Variants in PCDHGA6 observed in about 807,000 individuals in gnomAD.
The protein encoded by PCDHGA6 is protocadherin gamma subfamily A, 6.
A neutral mutation model predicts 60.6 loss-of-function variants in PCDHGA6; 41 were observed. The observed-to-expected ratio is 0.68, with a 90% confidence interval of 0.53 to 0.88. The LOEUF (loss-of-function observed/expected upper bound fraction) is 0.88, where lower values mean the gene tolerates loss of function less well. Among genes scored for constraint, PCDHGA6 ranks in the 40% least tolerant of loss-of-function variants. The probability of loss-of-function intolerance (pLI) is 0.00; values close to 1 mark genes in which losing one functional copy is unlikely to be tolerated. For missense variants in PCDHGA6, 1,312 were observed against 1,203.0 expected (o/e 1.09, Z -1.34); for synonymous variants, 594 against 524.4 (o/e 1.13, Z -1.81).
chr5:141,405,359 G>A, intron 1 of PCDHGA6: 2 of 1,614,018 alleles, frequency 1.2e-6, no homozygotes, highest in Non-Finnish European at 1.7e-6. Context: ...TCCTATAGAA[G>A]ACACCCCTTT....
intron 1 of PCDHGA6, chr5:141,385,308 C>G: frequency 1.9e-6 from 3 of 1,612,216 alleles, no homozygotes; most frequent in Non-Finnish European, 2.5e-6. Context: ...GTAAAGAAAA[C>G]CTGCCAAGTA....
intron 1 of PCDHGA6, among the ~76,000 whole-genome samples, chr5:141,469,207 G>T (rs2099193654): frequency 6.6e-6 from 1 of 151,820 alleles, no homozygotes; most frequent in African/African-American, 2.4e-5. Flanking sequence ...GCCTTTTGAA[G>T]TTGAGGCTTC....
intron 1 of PCDHGA6, among the ~76,000 whole-genome samples, chr5:141,457,057 C>T (rs1224573005): frequency 6.6e-6 from 1 of 152,182 alleles, no homozygotes; most frequent in Non-Finnish European, 1.5e-5. Flanking sequence ...TTCATGCTTC[C>T]TTTTTGCCAG....
intron 1 of PCDHGA6, chr5:141,393,004 T>C (rs781030004): frequency 1.2e-6 from 2 of 1,613,554 alleles, no homozygotes; most frequent in Middle Eastern, 1.7e-4. Flanking sequence ...AAGCACGGAG[T>C]CCGTATCGTC....
intron 1 of PCDHGA6, chr5:141,405,074 G>T (rs536930748): frequency 2.5e-6 from 4 of 1,613,794 alleles, no homozygotes; most frequent in Non-Finnish European, 3.4e-6. Context: ...CCTCACCTTC[G>T]TTATCACGCT....
rs70988800 is a variant in PCDHGA6 at position 141,379,889 on chromosome 5, C to CTTTTTTTTTTTTTT, written c.2424+3399_2424+3412dup. ...CTTATTTTATGGTCTGTGAAAGCCT[C>CTTTTTTTTTTTTTT]TTTTTTTTTTTTTTTTTTTTTTTTT... On this transcript the variant is annotated intron_variant, in intron 1 of 3. Coordinates refer to ENST00000517434, the MANE Select transcript of PCDHGA6 (RefSeq NM_018919.3). Among the ~76,000 whole-genome samples, 79 of 50,828 alleles carry CTTTTTTTTTTTTTT rather than the reference C, an allele frequency of 1.6e-3. 14 individuals carry two copies. The highest frequency in any genetic ancestry group is 2.7e-3 in the African/African-American group (40 of 15,084). 33.3% of individuals were successfully genotyped at this position (50,828 alleles called of 152,430 possible).
At chr5:141,440,732 A>C (rs2154559008) in intron 1 of PCDHGA6, 1 of 152,346 alleles carries the variant, frequency 6.6e-6, no homozygotes, top group African/African-American at 2.4e-5. Context: ...GTGTTAGAGA[A>C]GCTGCTTGAC....
intron 1 of PCDHGA6, among the ~76,000 whole-genome samples, chr5:141,455,428 GA>G (rs2098822635): frequency 6.6e-6 from 1 of 152,176 alleles, no homozygotes; most frequent in Non-Finnish European, 1.5e-5. Context: ...GGCTCCAAAA[GA>G]GGAGGTCCCC....
chr5:141,393,894 C>G lies in PCDHGA6; in HGVS notation c.2424+17387C>G, dbSNP rs201697840. 1.3e-3 allele frequency: 2,063 copies of G among 1,614,000 alleles called. 4 individuals are homozygous for G. Among genetic ancestry groups the G allele is most frequent in the Non-Finnish European group, 1.6e-3 (1,902 of 1,179,890 alleles). On this transcript the variant is annotated intron_variant, in intron 1 of 3. Transcript: ENST00000517434. ...GTTTAGCCCAGTGTTAGAAAATTCT[C>G]TTCCCGGGACAGTAATTGCCTTCTT...
At chr5:141,461,924 A>C (rs930104571) in intron 1 of PCDHGA6, among the ~76,000 whole-genome samples, 1 of 152,100 alleles carries the variant, frequency 6.6e-6, no homozygotes, top group East Asian at 1.9e-4. Context: ...CCTGGGTTCC[A>C]GCAATTCTCC....
intron 1 of PCDHGA6, among the ~76,000 whole-genome samples, chr5:141,461,391 G>A (rs1310387476): frequency 1.3e-5 from 2 of 152,058 alleles, no homozygotes; most frequent in East Asian, 1.9e-4. Context: ...GATGATTAGC[G>A]ATGTTGAGCA....
In PCDHGA6 at chr5:141,376,217, CT is replaced by C. The variant is rs1370033371; in HGVS notation, c.2135del (p.Leu712ArgfsTer21). On this transcript the variant is annotated frameshift_variant, in exon 1 of 4. Transcript: ENST00000517434. LOFTEE classifies it high-confidence loss of function. ...CVFLAFVIVL[L>X]ALRLQRWHKS... ...CTTCCTGGCCTTCGTCATCGTGCTG[CT>C]GGCGCTCAGACTGCAGCGCTGGCAC... 1.2e-6 allele frequency: 2 copies of C among 1,614,210 alleles called. No individual in the cohort carries two copies. Among genetic ancestry groups the C allele is most frequent in the East Asian group, 4.5e-5 (2 of 44,880 alleles).
intron 1 of PCDHGA6, among the ~76,000 whole-genome samples, chr5:141,480,693 G>C (rs1488899685): frequency 2.6e-5 from 4 of 152,096 alleles, no homozygotes; most frequent in Non-Finnish European, 5.9e-5. Context: ...CTGAAACCCA[G>C]GCCACACCCC....
chr5:141,410,781 T>C, intron 1 of PCDHGA6: 2 of 937,378 alleles, frequency 2.1e-6, no homozygotes, highest in Non-Finnish European at 1.5e-6. Flanking sequence ...TCACTATGTA[T>C]TTGGTTCATA....
chr5:141,479,342 G>A (rs926832955), intron 1 of PCDHGA6: 1 of 152,486 alleles, frequency 6.6e-6, no homozygotes, highest in Admixed American at 6.5e-5. Flanking sequence ...TGCACCTGTA[G>A]TTCTTGCTGC....
intron 1 of PCDHGA6, among the ~76,000 whole-genome samples, chr5:141,381,934 A>C (rs1777775116): frequency 7.0e-6 from 1 of 143,002 alleles, no homozygotes; most frequent in Non-Finnish European, 1.5e-5. Flanking sequence ...GGTTCAAGCG[A>C]TTTTCCTGCC....
chr5:141,465,125 G>A (rs1003967387), intron 1 of PCDHGA6, among the ~76,000 whole-genome samples: 1 of 151,194 alleles, frequency 6.6e-6, no homozygotes, highest in Non-Finnish European at 1.5e-5. Context: ...GCCTAAATTT[G>A]TAAAAAGTTT....
chr5:141,509,303 G>A (rs911736752), intron 3 of PCDHGA6, among the ~76,000 whole-genome samples: 1 of 152,210 alleles, frequency 6.6e-6, no homozygotes, highest in Admixed American at 6.5e-5. Context: ...GGAGGCAGAG[G>A]GAGGCTGGGA....
chr5:141,461,371 G>C (rs755281402), intron 1 of PCDHGA6, among the ~76,000 whole-genome samples: 1 of 152,084 alleles, frequency 6.6e-6, no homozygotes, highest in Non-Finnish European at 1.5e-5. Context: ...GTTTTAATTT[G>C]CATTTTCCTG....
Sources: allele counts gnomAD v4.1 joint callset (sites outside exome capture counted in the v4.1 genomes callset), GRCh38; gene constraint gnomAD v4.1.1; transcripts MANE v1.5; gene names NCBI Gene and HGNC (gene_info 2026-07-23, HGNC 2026-07-21).